The following DENND4C variants were observed in gnomAD, a reference collection of about 807,000 sequenced individuals.
DENND4C encodes DENN domain containing 4C.
A neutral mutation model predicts 203.0 loss-of-function variants in DENND4C; 108 were observed. The observed-to-expected ratio is 0.53, with a 90% CI of 0.46 to 0.62. DENND4C has a LOEUF of 0.62. DENND4C is among the 20% of genes least tolerant of loss of function. DENND4C has a pLI of 0.00. For missense variants in DENND4C, 2,481 were observed against 2,301.2 expected, an observed-to-expected ratio of 1.08 and a Z score of -1.60; for synonymous variants, 871 against 792.4, an observed-to-expected ratio of 1.10 and a Z score of -1.67.
Position 19,332,081 on chromosome 9 carries a change from T to C in DENND4C, c.2357T>C (p.Leu786Pro). The change falls in exon 17 of 33, where the codon CTT (leucine) becomes CCT (proline). Residue 786 changes from leucine (L) to proline (P), a missense_variant. Physicochemically the swap from Leu to Pro is moderately conservative, Grantham distance 98 (BLOSUM62 -3). Coordinates refer to ENST00000434457, the MANE Select transcript of DENND4C (RefSeq NM_001330640.2). Reference protein sequence around the residue: ...SHCYSLWFICLPAYVRVSHPK... With the variant: ...SHCYSLWFICPPAYVRVSHPK... The stretch of plus-strand genomic sequence containing the variant: ...TGTTACAGTTTATGGTTTATTTGTC[T>C]TCCGGCCTATGTTAGAGTTTCTCAT... 6.2e-7 allele frequency: 1 copy of C among 1,614,114 alleles called. No individual in the cohort carries two copies. The highest frequency in any genetic ancestry group is 8.5e-7 in the Non-Finnish European group (1 of 1,179,990).
At chr9:19,342,222 C>T (rs1821823610) in intron 21 of DENND4C, among the ~76,000 whole-genome samples, 1 of 146,384 alleles carries the variant, frequency 6.8e-6, no homozygotes, top group South Asian at 2.1e-4. Context: ...TTTATGAAAA[C>T]ATGGAGGAAT....
At chr9:19,252,898 G>T (rs1335106450) in intron 1 of DENND4C, among the ~76,000 whole-genome samples, 5 of 152,074 alleles carry the variant, frequency 3.3e-5, no homozygotes, top group African/African-American at 1.2e-4. Flanking sequence ...GCCACACCTG[G>T]CTAATTTTTT....
intron 3 of DENND4C, among the ~76,000 whole-genome samples, chr9:19,288,306 C>T (rs528917889): frequency 1.4e-4 from 21 of 152,276 alleles, no homozygotes; most frequent in African/African-American, 4.3e-4. Flanking sequence ...GTGCACACTC[C>T]GTTTTGTGCT....
chr9:19,314,633 C>T (rs1463224097), intron 10 of DENND4C, among the ~76,000 whole-genome samples: 1 of 151,810 alleles, frequency 6.6e-6, no homozygotes, highest in Non-Finnish European at 1.5e-5. Flanking sequence ...TTCCAAAATG[C>T]AATGACTTGC....
chr9:19,282,772 A>G (rs904741315), intron 2 of DENND4C, among the ~76,000 whole-genome samples: 5 of 120,742 alleles, frequency 4.1e-5, no homozygotes, highest in African/African-American at 1.3e-4. Context: ...GCTGGAGTGC[A>G]GTGGTATGAT....
At chr9:19,260,700 G>A (rs1003966382) in intron 1 of DENND4C, among the ~76,000 whole-genome samples, 168 of 152,214 alleles carry the variant, frequency 1.1e-3, no homozygotes, top group African/African-American at 4.0e-3. Context: ...CTCGGCCTAT[G>A]TTCTGGTTAT....
Position 19,324,526 on chromosome 9 carries a change from A to G in DENND4C, c.1953+19A>G, listed in dbSNP as rs201341867. 8.3e-5 allele frequency: 132 copies of G among 1,590,092 alleles called. No homozygotes were observed. Among genetic ancestry groups the G allele is most frequent in the Admixed American group, 7.9e-5 (4 of 50,726 alleles). On this transcript the variant is annotated intron_variant, in intron 13 of 32. Transcript: ENST00000434457. ...AGAAAAGGTAAAAGTTTGTACTTAT[A>G]CTAGTGTTTAGAAAAAAAAGTTTGC...
At position 19,362,026 on chromosome 9, in the gene DENND4C, C is replaced by T. The variant is rs7854723; in HGVS notation, c.5524+63C>T. On this transcript the variant is annotated intron_variant, in intron 30 of 32. Transcript: ENST00000434457. Reference sequence around the variant, plus strand: ...CAGTGGCTCGCACCTGTAATGCCAGCACTTTGGGAGGCCTAGGCTGGCGGA... The same window carrying T: ...CAGTGGCTCGCACCTGTAATGCCAGTACTTTGGGAGGCCTAGGCTGGCGGA... 5,102 of 1,049,210 alleles carry T rather than the reference C, an allele frequency of 4.9e-3. 184 individuals are homozygous for T. The African/African-American group carries it at 0.072, about 15-fold the overall frequency. 65.0% of individuals were successfully genotyped at this position (1,049,210 alleles called of 1,614,324 possible). A position where few individuals can be genotyped will look rare whatever the true frequency, so the allele number is the denominator to read the frequency against.
intron 12 of DENND4C, among the ~76,000 whole-genome samples, chr9:19,319,437 CAT>C (rs920091778): frequency 2.1e-5 from 3 of 142,422 alleles, no homozygotes; most frequent in Admixed American, 7.2e-5. Flanking sequence ...TATATACACA[CAT>C]ATATATATAC....
In DENND4C at chr9:19,336,788, G is replaced by C; in HGVS notation, c.2837G>C (p.Arg946Thr). ...ANNGEHTVFV[R>T]DLIRLESIDN... The stretch of plus-strand genomic sequence containing the variant: ...AATGGGGAGCACACAGTCTTCGTCA[G>C]AGATTTAATCAGGCTTGAGTCCATT... The change falls in exon 20 of 33, where the codon AGA becomes ACA. Residue 946 changes from arginine (R) to threonine (T), a missense_variant. Physicochemically the swap from Arg to Thr is moderately conservative, Grantham distance 71. Transcript: ENST00000434457. 3 of 1,550,822 alleles carry C rather than the reference G, an allele frequency of 1.9e-6. No homozygotes were observed. Among genetic ancestry groups the C allele is most frequent in the Non-Finnish European group, 2.6e-6 (3 of 1,147,016 alleles).
At position 19,361,712 on chromosome 9, in the gene DENND4C, A is replaced by C. The variant is rs568667993; in HGVS notation, c.5407-134A>C. 1.4e-3 allele frequency: 744 copies of C among 520,870 alleles called. 1 individual carries two copies. Among genetic ancestry groups the C allele is most frequent in the Non-Finnish European group, 2.3e-3 (663 of 292,826 alleles). 32.3% of individuals were successfully genotyped at this position (520,870 alleles called of 1,614,324 possible). On this transcript the variant is annotated intron_variant, in intron 29 of 32. Transcript: ENST00000434457. ...ACATTTGTCATCAGACATTAATAAA[A>C]ATTAAAATTTTGATTCTGAATTTTA...
At chr9:19,318,409 A>G (rs1344312346) in intron 12 of DENND4C, among the ~76,000 whole-genome samples, 1 of 152,246 alleles carries the variant, frequency 6.6e-6, no homozygotes, top group Non-Finnish European at 1.5e-5. Context: ...TGTGAAGATT[A>G]AATGAGAAAA....
intron 16 of DENND4C, among the ~76,000 whole-genome samples, chr9:19,331,051 T>C (rs1819015124): frequency 6.6e-6 from 1 of 151,690 alleles, no homozygotes; most frequent in Admixed American, 6.6e-5. Context: ...AGCAAGACTC[T>C]GTCTTAAAAA....
At chr9:19,330,128 C>G (rs1480804921) in intron 16 of DENND4C, among the ~76,000 whole-genome samples, 4 of 151,868 alleles carry the variant, frequency 2.6e-5, no homozygotes, top group Non-Finnish European at 5.9e-5. Context: ...TTTACTGTTA[C>G]CAGCTAACAA....
chr9:19,241,112 G>A (rs149201403), intron 1 of DENND4C, among the ~76,000 whole-genome samples: 169 of 152,242 alleles, frequency 1.1e-3, no homozygotes, highest in Middle Eastern at 0.01. Context: ...CTGAATGAGG[G>A]GTGGTGAATG....
rs543881024 is a variant in DENND4C at position 19,354,079 on chromosome 9, G to T, written c.4781+1414G>T. Among the ~76,000 whole-genome samples, 7 of 152,230 alleles carry T rather than the reference G, an allele frequency of 4.6e-5. No homozygotes were observed. The South Asian group carries it at 1.5e-3, about 32-fold the overall frequency. ...CCTATTCTACGAAGACACTGACTCT[G>T]CTAAGTGTGATATATATCTAAATTT... On this transcript the variant is annotated intron_variant, in intron 26 of 32. Transcript: ENST00000434457.
rs575108413 is a variant in DENND4C, at chr9:19,309,788, A to G, written c.1487+4261A>G. On this transcript the variant is annotated intron_variant, in intron 10 of 32. Coordinates refer to ENST00000434457, the MANE Select transcript of DENND4C (RefSeq NM_001330640.2). ...TAATTGTATATATTTATGGGGTGCA[A>G]TGTGATGCTTTGGTGTATGTATACA... is the stretch of plus-strand genomic sequence containing the variant. Among the ~76,000 whole-genome samples, 11 of 151,750 alleles carry G rather than the reference A, an allele frequency of 7.2e-5. No homozygotes were observed. In the South Asian group the frequency reaches 1.5e-3, roughly 20 times the overall value.
intron 11 of DENND4C, 30 bp from the exon 12 acceptor site, chr9:19,316,591 A>G (rs1563795782): frequency 6.2e-7 from 1 of 1,607,110 alleles, no homozygotes; most frequent in Non-Finnish European, 8.5e-7. Context: ...TTAACATAAT[A>G]CCATTTTCTG....
chr9:19,343,491 A>G (rs1190426982), intron 22 of DENND4C, among the ~76,000 whole-genome samples: 1 of 152,220 alleles, frequency 6.6e-6, no homozygotes, highest in African/African-American at 2.4e-5. Context: ...TATCTATTGT[A>G]TGACTGTACA....
Sources: allele counts gnomAD v4.1 joint callset (sites outside exome capture counted in the v4.1 genomes callset), GRCh38; gene constraint gnomAD v4.1.1; transcripts MANE v1.5; gene names NCBI Gene and HGNC (gene_info 2026-07-23, HGNC 2026-07-21).